CDHR2: variants seen among roughly 807,000 people sequenced by gnomAD.
CDHR2 encodes cadherin related family member 2, also known as cadherin-related family member 2.
Under a neutral mutation model 138.6 loss-of-function variants are expected in CDHR2, and 104 were observed. The observed-to-expected ratio is 0.75, with a 90% CI of 0.64 to 0.88. The LOEUF (loss-of-function observed/expected upper bound fraction) is 0.88. Ranked by LOEUF, CDHR2 falls within the 40% of genes least tolerant of loss-of-function variation. CDHR2 has a pLI of 0.00. For missense variants in CDHR2, 1,624 were observed against 1,727.6 expected (o/e 0.94, Z 1.06); for synonymous variants, 755 against 742.8 (o/e 1.02, Z -0.27).
In CDHR2 at chr5:176,576,766, G is replaced by A. The variant is rs868251398; in HGVS notation, c.1194+581G>A. Among the ~76,000 whole-genome samples, 1 of 152,120 alleles carries A rather than the reference G, an allele frequency of 6.6e-6. No individual in the cohort carries two copies. Among genetic ancestry groups the A allele is most frequent in the Middle Eastern group, 3.4e-3 (1 of 294 alleles). On this transcript the variant is annotated intron_variant, in intron 12 of 31. Transcript: ENST00000261944. This position sits in a 1 kb window ranked among gnomAD's most constrained non-coding sequence, Gnocchi z 4.5. ...TAATTTTTGTGTTTTTAGTAGAGAT[G>A]GAGTTTCACCATGTTGGCCAGGTTG...
chr5:176,585,087 A>G (rs1758628840), intron 19 of CDHR2, 72 bp downstream of exon 19: 4 of 1,456,362 alleles, frequency 2.7e-6, no homozygotes, highest in Non-Finnish European at 3.6e-6. Flanking sequence ...CCTGGGCTGG[A>G]ACTCACAAGG....
Position 176,553,093 on chromosome 5 carries a change from G to A in CDHR2, c.-16+3679G>A, listed in dbSNP as rs1353000891. 1.3e-5 allele frequency among the ~76,000 whole-genome samples: 2 copies of A among 152,158 alleles called. No homozygotes were observed. Among genetic ancestry groups the A allele is most frequent in the African/African-American group, 2.4e-5 (1 of 41,422 alleles). On this transcript the variant is annotated intron_variant, in intron 1 of 31. Coordinates refer to ENST00000261944, the MANE Select transcript of CDHR2 (RefSeq NM_017675.6). The surrounding 1 kb of genome is among the most constrained non-coding windows in gnomAD (Gnocchi z 4.3). ...CACTTCCATGAGGGAGAAGCGTGGC[G>A]TGTATGGGGAAGGGGCTGTAGGGGG...
In CDHR2 at chr5:176,584,594, G is replaced by A. The variant is rs1456535340; in HGVS notation, c.2313G>A (p.Gln771=). 5.6e-6 allele frequency: 9 copies of A among 1,607,248 alleles called. No individual in the cohort carries two copies. Among genetic ancestry groups the A allele is most frequent in the Non-Finnish European group, 6.8e-6 (8 of 1,175,330 alleles). ...PPDVSLDYET[Q]PVFNLTVSAE... Reference sequence around the variant, plus strand: ...ACGTGAGCCTGGATTACGAGACACAGCCCGTCTTCAACTTGACAGTGAGTG... The same window carrying A: ...ACGTGAGCCTGGATTACGAGACACAACCCGTCTTCAACTTGACAGTGAGTG... Residue 771 remains glutamine (Q), a synonymous_variant, in exon 19 of 32, where the codon CAG becomes CAA. Transcript: ENST00000261944.
chr5:176,595,679 C>A lies in CDHR2; in HGVS notation c.*7C>A. ...GGACACCACGGACCTGTGACAGGGG[C>A]CCCCACTCTTCTGGACCCCTTGAAG... On this transcript the variant is annotated 3_prime_UTR_variant, in exon 32 of 32. Transcript: ENST00000261944. 1.3e-6 allele frequency: 2 copies of A among 1,577,238 alleles called. No homozygotes were observed. The highest frequency in any genetic ancestry group is 2.3e-5 in the South Asian group (2 of 85,974).
rs1210018902 is a variant in CDHR2 at position 176,553,754 on chromosome 5, G to A, written c.-16+4340G>A. Among the ~76,000 whole-genome samples the A allele has an allele frequency of 6.6e-6, 1 of 151,366 alleles. No homozygotes were observed. Among genetic ancestry groups the A allele is most frequent in the Non-Finnish European group, 1.5e-5 (1 of 67,810 alleles). On this transcript the variant is annotated intron_variant, in intron 1 of 31. Coordinates refer to ENST00000261944, the MANE Select transcript of CDHR2 (RefSeq NM_017675.6). This position sits in a 1 kb window ranked among gnomAD's most constrained non-coding sequence, Gnocchi z 4.3. Reference sequence around the variant, plus strand: ...CCACCACCATCTCCCTCCCCCAACTGTCACCTCCACCAGCGCCACCTGCGT... The same window carrying A: ...CCACCACCATCTCCCTCCCCCAACTATCACCTCCACCAGCGCCACCTGCGT...
At chr5:176,548,685 G>T (rs938309880), upstream of CDHR2, among the ~76,000 whole-genome samples, 38 of 152,146 alleles carry the variant, frequency 2.5e-4, no homozygotes, top group African/African-American at 8.9e-4. Context: ...AGAGATTGCA[G>T]TGAGCCAAGA....
chr5:176,575,797 G>A lies in CDHR2; in HGVS notation c.918G>A (p.Glu306=). Residue 306 remains glutamate (E), a synonymous_variant, in exon 11 of 32, where the codon GAG becomes GAA. Coordinates refer to ENST00000261944, the MANE Select transcript of CDHR2 (RefSeq NM_017675.6). ...VIRVNGSLDR[E]QLLEADEEVQ... is the part of the protein sequence containing the mutation. The stretch of plus-strand genomic sequence containing the variant: ...GGGTCAACGGCTCCCTGGACCGTGA[G>A]CAGCTGCTGGAGGCGGATGAGGAGG... 6.4e-7 allele frequency: 1 copy of A among 1,557,520 alleles called. No individual in the cohort carries two copies. Among genetic ancestry groups the A allele is most frequent in the East Asian group, 2.4e-5 (1 of 41,292 alleles).
intron 17 of CDHR2, among the ~76,000 whole-genome samples, chr5:176,582,802 A>G (rs1280656501): frequency 6.6e-6 from 1 of 152,224 alleles, no homozygotes; most frequent in African/African-American, 2.4e-5. Context: ...ACTGAGGCAC[A>G]GAGAGGTTCA....
rs375004151 is a variant in CDHR2 at position 176,575,273 on chromosome 5, C to A, written c.622-7C>A. 3 of 1,614,072 alleles carry A rather than the reference C, an allele frequency of 1.9e-6. No individual in the cohort carries two copies. The African/African-American group carries it at 4.0e-5, about 22-fold the overall frequency. ...GCGCTGGCTCACGGGTGGCCATCTC[C>A]CCGCAGGACTTGGGCGGCATGTACC... is the stretch of plus-strand genomic sequence containing the variant. On this transcript the variant is annotated splice_polypyrimidine_tract_variant and splice_region_variant and intron_variant, in intron 8 of 31. Transcript: ENST00000261944.
intron 31 of CDHR2, among the ~76,000 whole-genome samples, chr5:176,594,581 G>T (rs544585231): frequency 1.1e-4 from 17 of 152,240 alleles, no homozygotes; most frequent in Admixed American, 1.1e-3. Flanking sequence ...CTGGCACCAG[G>T]TCATGTTATC....
chr5:176,548,925 G>C (rs1757645024), upstream of CDHR2, among the ~76,000 whole-genome samples: 1 of 152,092 alleles, frequency 6.6e-6, no homozygotes, highest in South Asian at 2.1e-4. Context: ...GGCTGGTCTG[G>C]CCACACAGTG....
chr5:176,554,956 G>A (rs1304475908), intron 1 of CDHR2, among the ~76,000 whole-genome samples: 1 of 152,114 alleles, frequency 6.6e-6, no homozygotes, highest in East Asian at 1.9e-4. Context: ...ACCCAGCCTC[G>A]AAGGGATTTT....
rs1758298260 is a variant in CDHR2 at position 176,574,086 on chromosome 5, C to T, written c.409C>T (p.Leu137=). The T allele has an allele frequency of 1.9e-6, 3 of 1,613,670 alleles. No homozygotes were observed. The highest frequency in any genetic ancestry group is 1.7e-6 in the Non-Finnish European group (2 of 1,179,718). ...TAFSTSINET[L]PVGSVVFSVL... Reference sequence around the variant, plus strand: ...GGTGACGAGTCCCTCCCTGCAGACCCTGCCCGTGGGCAGTGTGGTGTTCTC... The same window carrying T: ...GGTGACGAGTCCCTCCCTGCAGACCTTGCCCGTGGGCAGTGTGGTGTTCTC... Residue 137 remains leucine, a synonymous_variant, in exon 7 of 32, where the codon CTG becomes TTG. Transcript: ENST00000261944.
chr5:176,576,674 G>T lies in CDHR2; in HGVS notation c.1194+489G>T, dbSNP rs3762964. 0.87 allele frequency among the ~76,000 whole-genome samples: 132,038 copies of T among 151,304 alleles called. 58,322 individuals are homozygous for T. The highest frequency in any genetic ancestry group is 0.95 in the Non-Finnish European group (64,313 of 67,854). On this transcript the variant is annotated intron_variant, in intron 12 of 31. Transcript: ENST00000261944. This position sits in a 1 kb window ranked among gnomAD's most constrained non-coding sequence, Gnocchi z 4.5. Reference sequence around the variant, plus strand: ...CCACTGCAACCTCTGCCTCCCAGGTGGAAGGGATTCTCCTGCCTCAGCCTC... The same window carrying T: ...CCACTGCAACCTCTGCCTCCCAGGTTGAAGGGATTCTCCTGCCTCAGCCTC...
upstream of CDHR2, among the ~76,000 whole-genome samples, chr5:176,546,835 A>ATAGT (rs1248244740): frequency 6.6e-6 from 1 of 151,750 alleles, no homozygotes; most frequent in Non-Finnish European, 1.5e-5. Flanking sequence ...CTGCATTGTA[A>ATAGT]TAGTCGCATC....
At chr5:176,582,381 C>T (rs780945132) in intron 17 of CDHR2, among the ~76,000 whole-genome samples, 4 of 152,088 alleles carry the variant, frequency 2.6e-5, no homozygotes, top group African/African-American at 9.7e-5. Context: ...TTGTCCAGGC[C>T]AATTTTGAAC....
At chr5:176,548,804 G>A (rs966865625), upstream of CDHR2, among the ~76,000 whole-genome samples, 63 of 152,026 alleles carry the variant, frequency 4.1e-4, no homozygotes, top group Non-Finnish European at 1.0e-4. Flanking sequence ...CCCTGGGGAC[G>A]GGCAGATGCC....
intron 1 of CDHR2, among the ~76,000 whole-genome samples, chr5:176,558,674 C>T (rs781123056): frequency 1.8e-4 from 28 of 152,116 alleles, no homozygotes; most frequent in Non-Finnish European, 2.8e-4. Flanking sequence ...CGTGAGCCAC[C>T]GCGCCTGGCT....
intron 1 of CDHR2, 108 bp downstream of exon 1, chr5:176,549,522 AGCTGGGCAGGGGAAGTCACAC>A (rs1246623536): frequency 6.6e-6 from 1 of 152,222 alleles, no homozygotes; most frequent in Non-Finnish European, 1.5e-5. Context: ...TCTCCCCTGA[AGCTGGGCAGGGGAAGTCACAC>A]GCTAGATGGG....
Sources: allele counts gnomAD v4.1 joint callset (sites outside exome capture counted in the v4.1 genomes callset), GRCh38; gene constraint gnomAD v4.1.1; non-coding constraint Gnocchi (gnomAD v3.1); transcripts MANE v1.5; gene names NCBI Gene and HGNC (gene_info 2026-07-23, HGNC 2026-07-21).